Variants in GRK1 observed in about 807,000 individuals in gnomAD.
GRK1 encodes G protein-coupled receptor kinase 1, also known as rhodopsin kinase GRK1.
GRK1 carries 28 observed loss-of-function variants against 41.7 expected under a neutral mutation model. That is an observed-to-expected ratio of 0.67 (90% CI 0.50 to 0.92). The LOEUF (loss-of-function observed/expected upper bound fraction) is 0.92. Among genes scored for constraint, GRK1 ranks in the 40% least tolerant of loss-of-function variants. The probability of loss-of-function intolerance (pLI) is 0.00; values close to 1 mark genes in which losing one functional copy is unlikely to be tolerated. For missense variants in GRK1, 703 were observed against 671.2 expected (o/e 1.05, Z -0.52); for synonymous variants, 327 against 286.7 (o/e 1.14, Z -1.42).
intron 4 of GRK1, among the ~76,000 whole-genome samples, chr13:113,724,803 G>A (rs866032754): frequency 6.6e-6 from 1 of 152,228 alleles, no homozygotes; most frequent in Non-Finnish European, 1.5e-5. Context: ...GGGTAGAAAC[G>A]GTTGGCGCTG....
the GRK1 span, among the ~76,000 whole-genome samples, chr13:113,657,266 GA>G: frequency 4.6e-5 from 7 of 152,328 alleles, no homozygotes; most frequent in East Asian, 1.4e-3. Context: ...GGGAGCCGGG[GA>G]CGGCACCAGG....
At chr13:113,670,224 C>G (rs1337700734) in intron 2 of GRK1, among the ~76,000 whole-genome samples, 1 of 152,124 alleles carries the variant, frequency 6.6e-6, no homozygotes, top group Non-Finnish European at 1.5e-5. Context: ...ATCAGTCCAG[C>G]TGGGGGCCGT....
At chr13:113,653,221 TTCACACCTCACCCACCCGCCGC>T in the GRK1 span, 6 of 1,341,544 alleles carry the variant, frequency 4.5e-6, no homozygotes, top group Non-Finnish European at 6.2e-6. Flanking sequence ...CACCTGCTGC[TTCACACCTCACCCACCCGCCGC>T]TTCACACCTC....
At chr13:113,725,023 C>T (rs1341455521) in intron 4 of GRK1, among the ~76,000 whole-genome samples, 2 of 152,256 alleles carry the variant, frequency 1.3e-5, no homozygotes, top group Non-Finnish European at 2.9e-5. Flanking sequence ...GCCCGTTCCT[C>T]GGAGCCCCAG....
the GRK1 span, among the ~76,000 whole-genome samples, chr13:113,661,780 C>T: frequency 0.77 from 116,898 of 152,180 alleles, 45,633 homozygotes; most frequent in African/African-American, 0.91. Context: ...ACTCACCCGA[C>T]TTCAAATAGA....
the GRK1 span, among the ~76,000 whole-genome samples, chr13:113,657,094 A>T: frequency 6.6e-6 from 1 of 152,240 alleles, no homozygotes; most frequent in South Asian, 2.1e-4. Context: ...CTTCACCAGC[A>T]CTGTGGTGAG....
At chr13:113,668,228 AC>A (rs1350048016) in intron 1 of GRK1, 143 bp downstream of exon 1, 8 of 866,632 alleles carry the variant, frequency 9.2e-6, no homozygotes, top group Admixed American at 2.8e-5. Flanking sequence ...CAGCCTCGCC[AC>A]GTGGGCGCCC....
chr13:113,654,435 G>A, the GRK1 span, among the ~76,000 whole-genome samples: 15 of 152,322 alleles, frequency 9.8e-5, no homozygotes, highest in Admixed American at 2.6e-4. Context: ...TTTCCTGTGC[G>A]TCCTTGCAGA....
At chr13:113,725,161 G>A (rs2049882964) in intron 4 of GRK1, among the ~76,000 whole-genome samples, 1 of 136,576 alleles carries the variant, frequency 7.3e-6, no homozygotes. Flanking sequence ...CCTTCTTCCT[G>A]GCACCCTCGC....
At chr13:113,670,533 C>G (rs1002973835) in intron 2 of GRK1, among the ~76,000 whole-genome samples, 1 of 152,222 alleles carries the variant, frequency 6.6e-6, no homozygotes, top group Non-Finnish European at 1.5e-5. Flanking sequence ...AGCACCATGC[C>G]CCATTCTCAC....
rs1056576756 is a variant in GRK1, at chr13:113,671,315, G to C, written c.828-184G>C. 1.3e-5 allele frequency among the ~76,000 whole-genome samples: 2 copies of C among 152,202 alleles called. No individual in the cohort carries two copies. Among genetic ancestry groups the C allele is most frequent in the Non-Finnish European group, 2.9e-5 (2 of 68,034 alleles). ...TTAGCAGTTGGGGTTCAGGGTCCCT[G>C]AGCTGCTAACGCCGCCAGCCACCAT... On this transcript the variant is annotated intron_variant, in intron 2 of 6. Coordinates refer to ENST00000335678, the MANE Select transcript of GRK1 (RefSeq NM_002929.3). The surrounding 1 kb of genome is among the most constrained non-coding windows in gnomAD (Gnocchi z 4.1).
intron 4 of GRK1, among the ~76,000 whole-genome samples, chr13:113,727,059 G>A (rs989398366): frequency 6.6e-6 from 1 of 152,232 alleles, no homozygotes; most frequent in African/African-American, 2.4e-5. Context: ...GTCTCCCAAC[G>A]GGCCTGTCCG....
chr13:113,655,276 G>A, the GRK1 span, among the ~76,000 whole-genome samples: 11 of 152,318 alleles, frequency 7.2e-5, no homozygotes, highest in African/African-American at 2.4e-4. Flanking sequence ...AGCTCCAGCA[G>A]GAACCGAGGG....
chr13:113,662,842 CAACAT>C (rs949830839), upstream of GRK1, among the ~76,000 whole-genome samples: 10 of 152,208 alleles, frequency 6.6e-5, 1 homozygote, highest in African/African-American at 1.9e-4. Context: ...GTGGAAGACT[CAACAT>C]AACAAAGAGA....
intron 6 of GRK1, among the ~76,000 whole-genome samples, chr13:113,733,604 CGCATGTGT>C (rs1339988093): frequency 7.3e-6 from 1 of 137,882 alleles, no homozygotes; most frequent in Non-Finnish European, 1.6e-5. Context: ...TGCATGTGTG[CGCATGTGT>C]ATGTGTGTGC....
chr13:113,657,047 C>T, the GRK1 span, among the ~76,000 whole-genome samples: 4 of 152,222 alleles, frequency 2.6e-5, no homozygotes, highest in African/African-American at 9.6e-5. Flanking sequence ...GCTCTGGTGC[C>T]CTTTGAGACC....
rs1491153039 is a variant in GRK1, at chr13:113,733,861, ACG to A, written c.1396+777_1396+778del. Among the ~76,000 whole-genome samples the A allele has an allele frequency of 2.0e-5, 2 of 98,172 alleles. 1 individual carries two copies. The highest frequency in any genetic ancestry group is 1.0e-4 in the African/African-American group (2 of 19,506). The allele number at this position is 98,172 out of a possible 152,430, so 64.4% of individuals were successfully genotyped here. A position where few individuals can be genotyped will look rare whatever the true frequency, so the allele number is the denominator to read the frequency against. ...TGCGTGTGCATGTGTATGTGTGCAT[ACG>A]TGTGTGCGTGTGTGCATACGTGTGT... On this transcript the variant is annotated intron_variant, in intron 6 of 6. Transcript: ENST00000335678.
the GRK1 span, chr13:113,654,826 G>A: frequency 3.7e-6 from 6 of 1,613,946 alleles, no homozygotes; most frequent in Non-Finnish European, 5.1e-6. Flanking sequence ...GGTGACCGTA[G>A]CTGGTCTTGG....
rs555726451 is a variant in GRK1, at chr13:113,731,847, T to C, written c.1194+504T>C. ...CCCCCTCCCTGGACGGTCTTATCCA[T>C]CGCTGTTGCAGAAGAGCAAGCTCCC... On this transcript the variant is annotated intron_variant, in intron 5 of 6. Transcript: ENST00000335678. The surrounding 1 kb of genome is among the most constrained non-coding windows in gnomAD (Gnocchi z 5.6). 2.4e-3 allele frequency among the ~76,000 whole-genome samples: 359 copies of C among 152,130 alleles called. No individual in the cohort carries two copies. The highest frequency in any genetic ancestry group is 4.2e-3 in the Non-Finnish European group (286 of 67,974).
Sources: gnomAD v4.1 joint callset for allele counts (sites outside exome capture counted in the v4.1 genomes callset) on GRCh38, gnomAD v4.1.1 for gene constraint, Gnocchi (gnomAD v3.1) non-coding constraint, MANE v1.5 for transcripts, NCBI Gene and HGNC (gene_info 2026-07-23, HGNC 2026-07-21) for gene names.